BCL9: variants seen among roughly 807,000 people sequenced by gnomAD.
The protein encoded by BCL9 is BCL9 transcription coactivator, also known as B-cell CLL/lymphoma 9 protein.
BCL9 carries 25 observed loss-of-function variants against 88.5 expected under a neutral mutation model. The ratio of observed to expected loss-of-function variants is 0.28; its 90% CI spans 0.21 to 0.39. The LOEUF (loss-of-function observed/expected upper bound fraction) is 0.39, where lower values mean the gene tolerates loss of function less well. Ranked by LOEUF, BCL9 falls within the 10% of genes least tolerant of loss-of-function variation. BCL9 has a pLI of 1.00. For missense variants in BCL9, 1,817 were observed against 1,877.8 expected (o/e 0.97, Z 0.60); for synonymous variants, 711 against 673.3 (o/e 1.06, Z -0.87).
At chr1:147,543,444 AAACCTGACTTCTGAGTATGGG>A (rs1654421234) in intron 1 of BCL9, among the ~76,000 whole-genome samples, 1 of 152,264 alleles carries the variant, frequency 6.6e-6, no homozygotes, top group Non-Finnish European at 1.5e-5. Context: ...AGAGGCCTGG[AAACCTGACTTCTGAGTATGGG>A]AAAAGCTGAA....
At chr1:147,594,801 G>C (rs1335224397) in intron 1 of BCL9, among the ~76,000 whole-genome samples, 7 of 152,238 alleles carry the variant, frequency 4.6e-5, no homozygotes, top group Non-Finnish European at 1.0e-4. Flanking sequence ...ATATTGGACA[G>C]AGCATTTTGG....
intron 1 of BCL9, among the ~76,000 whole-genome samples, chr1:147,582,409 T>G (rs1331500609): frequency 2.0e-5 from 3 of 149,894 alleles, no homozygotes; most frequent in Non-Finnish European, 4.4e-5. Flanking sequence ...GAACATTTAA[T>G]TTTTTATTTA....
chr1:147,599,924 C>T (rs1657269225), intron 1 of BCL9, among the ~76,000 whole-genome samples: 1 of 151,542 alleles, frequency 6.6e-6, no homozygotes, highest in Non-Finnish European at 1.5e-5. Flanking sequence ...AGCGACTTTC[C>T]CTGGAGGGGC....
At chr1:147,558,523 C>A (rs1313105123) in intron 1 of BCL9, among the ~76,000 whole-genome samples, 1 of 152,124 alleles carries the variant, frequency 6.6e-6, no homozygotes, top group Non-Finnish European at 1.5e-5. Context: ...CCCCACCAAC[C>A]CCAAGGAACC....
At chr1:147,617,898 CTT>C (rs1658371569) in intron 7 of BCL9, among the ~76,000 whole-genome samples, 1 of 152,202 alleles carries the variant, frequency 6.6e-6, no homozygotes, top group Non-Finnish European at 1.5e-5. Context: ...CAGCAGTGCT[CTT>C]GGTTTAGACC....
chr1:147,570,244 T>C (rs1655817882), intron 1 of BCL9, among the ~76,000 whole-genome samples: 2 of 152,166 alleles, frequency 1.3e-5, no homozygotes, highest in African/African-American at 4.8e-5. Flanking sequence ...AGTCTTGGGA[T>C]GGGACTCTGG....
rs908863850 is a variant in BCL9, at chr1:147,623,914, C to T, written c.3236C>T (p.Pro1079Leu). Residue 1079 changes from proline to leucine, a missense_variant, in exon 10 of 10, where the codon CCA becomes CTA. Physicochemically the swap from Pro to Leu is moderately conservative, Grantham distance 98. Coordinates refer to ENST00000234739, the MANE Select transcript of BCL9 (RefSeq NM_004326.4). ...GTGGTTCCGATGCCAACCCTCAGCC[C>T]AATGGGAATGACCCAGCCACTTTCT... ...NPVVPMPTLSPMGMTQPLSHS... is the reference protein window; with the variant it reads ...NPVVPMPTLSLMGMTQPLSHS... 20 of 1,614,180 alleles carry T rather than the reference C, an allele frequency of 1.2e-5. No homozygotes were observed. Among genetic ancestry groups the T allele is most frequent in the Non-Finnish European group, 1.6e-5 (19 of 1,180,038 alleles).
intron 2 of BCL9, among the ~76,000 whole-genome samples, chr1:147,606,182 T>C (rs1217574527): frequency 6.6e-6 from 1 of 152,198 alleles, no homozygotes; most frequent in Non-Finnish European, 1.5e-5. Flanking sequence ...ACTTAGTGTT[T>C]TATTGACTTA....
At chr1:147,576,266 G>A (rs1553198076) in intron 1 of BCL9, among the ~76,000 whole-genome samples, 1 of 152,076 alleles carries the variant, frequency 6.6e-6, no homozygotes, top group East Asian at 1.9e-4. Context: ...TCACAAAAAT[G>A]TCTAAGTGAA....
intron 1 of BCL9, among the ~76,000 whole-genome samples, chr1:147,547,465 G>T (rs913772103): frequency 5.9e-5 from 9 of 152,246 alleles, no homozygotes; most frequent in African/African-American, 1.9e-4. Flanking sequence ...ATATCATCTT[G>T]CTTGGAGCAA....
rs1326780144 is a variant in BCL9 at position 147,624,907 on chromosome 1, G to C, written c.4229G>C (p.Gly1410Ala). ...CCCCGGGGCATGGCTGCTGACGTGG[G>C]CATGGGTGGATTTAGCCAAGGACCT... ...MRPRGMAADV[G>A]MGGFSQGPGN... Residue 1410 changes from glycine to alanine, a missense_variant, in exon 10 of 10, where the codon GGC (glycine) becomes GCC (alanine). Around this residue, in one of 2 missense-constraint regions of BCL9, gnomAD observed 589 missense variants for 686.2 expected, o/e 0.86. Coordinates refer to ENST00000234739, the MANE Select transcript of BCL9 (RefSeq NM_004326.4). The surrounding 1 kb of genome is among the most constrained non-coding windows in gnomAD (Gnocchi z 4.4). The C allele has an allele frequency of 6.2e-7, 1 of 1,613,664 alleles. No individual in the cohort carries two copies. The highest frequency in any genetic ancestry group is 1.1e-5 in the South Asian group (1 of 91,074).
intron 1 of BCL9, among the ~76,000 whole-genome samples, chr1:147,570,732 T>A (rs1202146194): frequency 6.8e-6 from 1 of 146,342 alleles, no homozygotes; most frequent in Non-Finnish European, 1.5e-5. Context: ...GCCTCCCGGG[T>A]TCAAGCGATT....
At position 147,599,430 on chromosome 1, in the gene BCL9, T is replaced by C. The variant is rs587741045; in HGVS notation, c.-477-5347T>C. On this transcript the variant is annotated intron_variant, in intron 1 of 9. Transcript: ENST00000234739. ...AGGGAAAGACCGGCTCTTCAATTCG[T>C]TTCTGTCAAAAGATGGCCAAATTCC... Among the ~76,000 whole-genome samples, 6 of 152,136 alleles carry C rather than the reference T, an allele frequency of 3.9e-5. No homozygotes were observed. In the South Asian group the frequency reaches 1.2e-3, roughly 32 times the overall value.
At chr1:147,614,668 A>G in intron 6 of BCL9, 52 bp downstream of exon 6, 1 of 1,496,914 alleles carries the variant, frequency 6.7e-7, no homozygotes, top group Non-Finnish European at 9.1e-7. Flanking sequence ...TGGGGACCTA[A>G]ATTCTTATTC....
At chr1:147,592,665 G>A (rs1656893131) in intron 1 of BCL9, among the ~76,000 whole-genome samples, 1 of 152,208 alleles carries the variant, frequency 6.6e-6, no homozygotes, top group Admixed American at 6.5e-5. Flanking sequence ...GAATGAGTAA[G>A]GTATTGAGGG....
intron 1 of BCL9, among the ~76,000 whole-genome samples, chr1:147,565,347 A>C (rs1167792039): frequency 1.3e-5 from 2 of 152,244 alleles, no homozygotes; most frequent in African/African-American, 4.8e-5. Flanking sequence ...CTACAAATAC[A>C]TGAGTAATAG....
At chr1:147,618,746 A>G (rs1434606708) in intron 7 of BCL9, 70 bp from the exon 8 acceptor site, 21 of 1,383,544 alleles carry the variant, frequency 1.5e-5, no homozygotes, top group South Asian at 8.1e-5. Flanking sequence ...CCTTTATAAC[A>G]TATCTTGCTC....
intron 3 of BCL9, among the ~76,000 whole-genome samples, chr1:147,608,983 T>C (rs1657868968): frequency 6.6e-6 from 1 of 152,222 alleles, no homozygotes; most frequent in East Asian, 1.9e-4. Flanking sequence ...ATAGAAATAG[T>C]GGTGGCACCT....
chr1:147,573,218 A>G (rs1655960871), intron 1 of BCL9, among the ~76,000 whole-genome samples: 1 of 152,196 alleles, frequency 6.6e-6, no homozygotes, highest in African/African-American at 2.4e-5. Flanking sequence ...TGGGAGGACC[A>G]TGTGGGTGGA....
Sources: allele counts gnomAD v4.1 joint callset (sites outside exome capture counted in the v4.1 genomes callset), GRCh38; gene constraint gnomAD v4.1.1; regional missense constraint gnomAD v4.1.1; non-coding constraint Gnocchi (gnomAD v3.1); transcripts MANE v1.5; gene names NCBI Gene and HGNC (gene_info 2026-07-23, HGNC 2026-07-21).